The following BRD10 variants were observed in gnomAD, a reference collection of about 807,000 sequenced individuals.
The protein encoded by BRD10 is bromodomain containing 10, also known as uncharacterized bromodomain-containing protein 10.
chr9:5,924,778 GTTCTCTATTAAA>G, the BRD10 span: 2 of 1,600,896 alleles, frequency 1.2e-6, no homozygotes, highest in Admixed American at 1.7e-5. Context: ...GTGGTCCATA[GTTCTCTATTAAA>G]TGTATCATGA....
chr9:5,891,878 T>G, the BRD10 span, among the ~76,000 whole-genome samples: 1 of 152,214 alleles, frequency 6.6e-6, no homozygotes, highest in Non-Finnish European at 1.5e-5. Context: ...TGGGGTGGTT[T>G]CCTTTGCTGA....
At chr9:5,923,210 G>A in the BRD10 span, 1 of 1,613,974 alleles carries the variant, frequency 6.2e-7, no homozygotes, top group Non-Finnish European at 8.5e-7. Context: ...TCGTTTAAGT[G>A]TTTTAAGCAG....
the BRD10 span, among the ~76,000 whole-genome samples, chr9:5,948,267 T>TA: frequency 6.6e-6 from 1 of 152,180 alleles, no homozygotes; most frequent in Non-Finnish European, 1.5e-5. Flanking sequence ...GACACACTGC[T>TA]AGAGGAAACC....
At chr9:5,904,519 C>A in the BRD10 span, among the ~76,000 whole-genome samples, 1 of 152,200 alleles carries the variant, frequency 6.6e-6, no homozygotes, top group African/African-American at 2.4e-5. Context: ...GTCGCCCAGG[C>A]TGGAGTGCAG....
the BRD10 span, among the ~76,000 whole-genome samples, chr9:5,932,233 TC>T: frequency 2.0e-5 from 3 of 152,090 alleles, no homozygotes; most frequent in African/African-American, 7.2e-5. Flanking sequence ...TTCTGATTGA[TC>T]AACTTTATTC....
the BRD10 span, among the ~76,000 whole-genome samples, chr9:5,966,250 C>T: frequency 6.6e-6 from 1 of 151,982 alleles, no homozygotes; most frequent in Non-Finnish European, 1.5e-5. Context: ...GAACTGGATA[C>T]AAAACTCCTC....
the BRD10 span, among the ~76,000 whole-genome samples, chr9:5,885,890 A>T: frequency 1.3e-5 from 2 of 152,168 alleles, no homozygotes; most frequent in African/African-American, 4.8e-5. Context: ...CTGAAGAGCC[A>T]GTTCTGTTTG....
the BRD10 span, among the ~76,000 whole-genome samples, chr9:5,981,942 G>A: frequency 1.3e-5 from 2 of 152,102 alleles, no homozygotes; most frequent in Non-Finnish European, 2.9e-5. Flanking sequence ...CACTGCTCGG[G>A]TGATGGGTGC....
chr9:5,910,446 C>G, the BRD10 span: 4 of 152,196 alleles, frequency 2.6e-5, no homozygotes, highest in African/African-American at 9.7e-5. Context: ...AAGGCTTCCA[C>G]CTCTCCCACT....
At chr9:5,892,673 C>A in the BRD10 span, 2 of 725,740 alleles carry the variant, frequency 2.8e-6, no homozygotes, top group Non-Finnish European at 4.3e-6. Context: ...CAGACAGTAA[C>A]ATCCCTGGCA....
chr9:5,912,543 A>G, the BRD10 span, among the ~76,000 whole-genome samples: 1 of 152,182 alleles, frequency 6.6e-6, no homozygotes, highest in African/African-American at 2.4e-5. Flanking sequence ...GTTACTTTAC[A>G]TATTTGTTGA....
the BRD10 span, chr9:6,007,455 C>G: frequency 1.2e-6 from 2 of 1,608,520 alleles, no homozygotes; most frequent in Non-Finnish European, 1.7e-6. Context: ...CCTCCTCCTC[C>G]GCGGTGGCAA....
chr9:5,978,569 GACA>G, the BRD10 span, among the ~76,000 whole-genome samples: 20 of 152,138 alleles, frequency 1.3e-4, no homozygotes, highest in East Asian at 3.5e-3. Context: ...TTATTTATCT[GACA>G]ACAACAGAAT....
the BRD10 span, among the ~76,000 whole-genome samples, chr9:5,883,543 A>G: frequency 7.0e-6 from 1 of 143,676 alleles, no homozygotes; most frequent in African/African-American, 2.6e-5. Context: ...ATAGCTCACT[A>G]CAACCTCATT....
chr9:5,980,062 T>A, the BRD10 span, among the ~76,000 whole-genome samples: 5 of 151,620 alleles, frequency 3.3e-5, no homozygotes, highest in Non-Finnish European at 7.4e-5. Flanking sequence ...AAATGTGTTA[T>A]CTACTTTCCT....
chr9:5,911,254 T>C, the BRD10 span, among the ~76,000 whole-genome samples: 7 of 152,246 alleles, frequency 4.6e-5, no homozygotes, highest in Non-Finnish European at 1.5e-5. Flanking sequence ...TTCATTCTTC[T>C]GCATACAGGT....
the BRD10 span, among the ~76,000 whole-genome samples, chr9:5,883,462 C>CTTTTTTT: frequency 2.0e-3 from 200 of 102,324 alleles, 1 homozygote; most frequent in Middle Eastern, 0.013. Flanking sequence ...CCTTCTTCTT[C>CTTTTTTT]TTTTTTTTTT....
At chr9:6,008,124 G>A in the BRD10 span, 12 of 983,554 alleles carry the variant, frequency 1.2e-5, no homozygotes, top group Middle Eastern at 5.2e-4. Context: ...AGGCCCTGCC[G>A]GGTCGCCGCG....
At chr9:5,989,317 A>G in the BRD10 span, among the ~76,000 whole-genome samples, 4 of 146,840 alleles carry the variant, frequency 2.7e-5, no homozygotes, top group Non-Finnish European at 6.0e-5. Flanking sequence ...TTATTAATAT[A>G]TTAATACTTG....
Sources: allele counts gnomAD v4.1 joint callset (sites outside exome capture counted in the v4.1 genomes callset), GRCh38; gene constraint gnomAD v4.1.1; transcripts MANE v1.5; gene names NCBI Gene and HGNC (gene_info 2026-07-23, HGNC 2026-07-21).